ALMS1: variants seen among roughly 807,000 people sequenced by gnomAD.
ALMS1 encodes centrosome-associated protein ALMS1.
In ALMS1, 271 loss-of-function variants were observed where a neutral mutation model predicts 352.2. That is an observed-to-expected ratio of 0.77 (90% CI 0.70 to 0.85). The LOEUF is 0.85. Ranked by LOEUF, ALMS1 falls within the 40% of genes least tolerant of loss-of-function variation. ALMS1 has a pLI of 0.00. For missense variants in ALMS1, 5,445 were observed against 4,870.7 expected, an observed-to-expected ratio of 1.12 and a Z score of -3.51; for synonymous variants, 1,865 against 1,761.2, an observed-to-expected ratio of 1.06 and a Z score of -1.48.
At chr2:73,492,000 A>G (rs1289904699) in intron 10 of ALMS1, among the ~76,000 whole-genome samples, 2 of 152,196 alleles carry the variant, frequency 1.3e-5, no homozygotes, top group Non-Finnish European at 2.9e-5. Context: ...AGTTTAGTCA[A>G]ATGATGAAGA....
intron 1 of ALMS1, 96 bp downstream of exon 1, chr2:73,386,288 C>T: frequency 7.1e-7 from 1 of 1,403,710 alleles, no homozygotes; most frequent in Non-Finnish European, 9.3e-7. Context: ...CGCCGCCTGA[C>T]GGAGAAAACG....
intron 10 of ALMS1, among the ~76,000 whole-genome samples, chr2:73,517,938 G>T (rs1273601802): frequency 6.6e-6 from 1 of 152,012 alleles, no homozygotes; most frequent in African/African-American, 2.4e-5. Context: ...GATTACAGGC[G>T]TGAGCCACCA....
intron 12 of ALMS1, among the ~76,000 whole-genome samples, chr2:73,545,477 G>T (rs1038631894): frequency 6.6e-6 from 1 of 152,060 alleles, no homozygotes; most frequent in Non-Finnish European, 1.5e-5. Flanking sequence ...CACCGCACGT[G>T]GTCATGGTTA....
rs533780922 is a variant in ALMS1 at position 73,454,081 on chromosome 2, T to G, written c.7540+14T>G. On this transcript the variant is annotated intron_variant, in intron 8 of 22. Coordinates refer to ENST00000613296, the MANE Select transcript of ALMS1 (RefSeq NM_001378454.1). ...TACGAGCACATGGTAAGAAGAAAGT[T>G]TCAGGCTTATAAACGTTATAGTTTA... The G allele has an allele frequency of 2.5e-6, 4 of 1,597,992 alleles. No individual in the cohort carries two copies. In the South Asian group the frequency reaches 4.5e-5, roughly 18 times the overall value.
chr2:73,444,910 TATCAATA>T (rs1309480886), intron 7 of ALMS1, among the ~76,000 whole-genome samples: 1 of 152,208 alleles, frequency 6.6e-6, no homozygotes, highest in East Asian at 1.9e-4. Context: ...ATTATTTAGT[TATCAATA>T]ATTAATAATT....
chr2:73,495,721 G>A (rs1673091072), intron 10 of ALMS1, among the ~76,000 whole-genome samples: 1 of 152,098 alleles, frequency 6.6e-6, no homozygotes, highest in African/African-American at 2.4e-5. Context: ...TTTAACGTGT[G>A]TGTGTGTTTT....
chr2:73,443,694 T>C (rs1031800265), intron 7 of ALMS1, among the ~76,000 whole-genome samples: 2 of 152,172 alleles, frequency 1.3e-5, no homozygotes, highest in East Asian at 1.9e-4. Context: ...TCAATAAATA[T>C]CTGTTGAATG....
intron 9 of ALMS1, among the ~76,000 whole-genome samples, chr2:73,477,950 C>A (rs959460031): frequency 2.7e-4 from 41 of 152,056 alleles, no homozygotes; most frequent in African/African-American, 9.9e-4. Context: ...ATCTAGATGT[C>A]TTTAATTTCT....
At position 73,450,354 on chromosome 2, in the gene ALMS1, C is replaced by G. The variant is rs1671905855; in HGVS notation, c.3827C>G (p.Thr1276Ser). The G allele has an allele frequency of 1.2e-6, 2 of 1,613,174 alleles. No homozygotes were observed. Among genetic ancestry groups the G allele is most frequent in the Admixed American group, 1.7e-5 (1 of 59,916 alleles). ...GCCTCTGAACCAGTTGACCAGACAA[C>G]TGGCACACCAGCTGTAACCTCTACT... ...SVASEPVDQT[T>S]GTPAVTSTSY... Residue 1276 changes from threonine (T) to serine (S), a missense_variant, in exon 8 of 23, where the codon ACT becomes AGT. By Grantham distance (58) the Thr-to-Ser change is moderately conservative. Coordinates refer to ENST00000613296, the MANE Select transcript of ALMS1 (RefSeq NM_001378454.1).
chr2:73,524,859 T>G (rs1673756816), intron 11 of ALMS1, among the ~76,000 whole-genome samples: 1 of 152,202 alleles, frequency 6.6e-6, no homozygotes, highest in Non-Finnish European at 1.5e-5. Context: ...TTATACCCAT[T>G]AACAATCCTC....
intron 12 of ALMS1, among the ~76,000 whole-genome samples, chr2:73,544,061 G>A (rs1004907390): frequency 1.3e-5 from 2 of 152,140 alleles, no homozygotes; most frequent in Non-Finnish European, 2.9e-5. Flanking sequence ...AAAGACACAT[G>A]CACAGGTATG....
chr2:73,564,098 T>TA (rs772690471), intron 15 of ALMS1, among the ~76,000 whole-genome samples: 11,194 of 147,706 alleles, frequency 0.076, 514 homozygotes, highest in Middle Eastern at 0.15. Context: ...GGGTTAAACT[T>TA]AAAAAAAAAA....
chr2:73,568,866 A>G (rs1674857444), intron 15 of ALMS1, among the ~76,000 whole-genome samples: 2 of 152,220 alleles, frequency 1.3e-5, no homozygotes, highest in South Asian at 4.1e-4. Context: ...AGAAGTAAAT[A>G]ACTACTTCAA....
intron 7 of ALMS1, among the ~76,000 whole-genome samples, chr2:73,438,655 A>G (rs1671653983): frequency 6.6e-6 from 1 of 152,222 alleles, no homozygotes; most frequent in Non-Finnish European, 1.5e-5. Flanking sequence ...AGCTTTCTGA[A>G]GGAGCATGGG....
At chr2:73,546,090 T>C (rs1674314046) in intron 12 of ALMS1, among the ~76,000 whole-genome samples, 1 of 152,172 alleles carries the variant, frequency 6.6e-6, no homozygotes, top group African/African-American at 2.4e-5. Context: ...ACGATGTCAA[T>C]TTCAACATAT....
rs1024979628 is a variant in ALMS1 at position 73,478,703 on chromosome 2, G to A, written c.7675-10931G>A. Among the ~76,000 whole-genome samples, 8 of 151,434 alleles carry A rather than the reference G, an allele frequency of 5.3e-5. No individual in the cohort carries two copies. In the South Asian group the frequency reaches 1.5e-3, roughly 28 times the overall value. On this transcript the variant is annotated intron_variant, in intron 9 of 22. Coordinates refer to ENST00000613296, the MANE Select transcript of ALMS1 (RefSeq NM_001378454.1). Reference sequence around the variant, plus strand: ...TTATTTATTTTACTTTAAGTTCCAGGATACATATGCAGAACGTGCAGGTTT... The same window carrying A: ...TTATTTATTTTACTTTAAGTTCCAGAATACATATGCAGAACGTGCAGGTTT...
chr2:73,499,765 C>G (rs1002479154), intron 10 of ALMS1, among the ~76,000 whole-genome samples: 2 of 152,114 alleles, frequency 1.3e-5, no homozygotes, highest in African/African-American at 4.8e-5. Context: ...GTTATGGGGG[C>G]AGATCCCTCA....
intron 9 of ALMS1, among the ~76,000 whole-genome samples, chr2:73,488,927 G>C (rs760986010): frequency 6.6e-6 from 1 of 152,108 alleles, no homozygotes; most frequent in Non-Finnish European, 1.5e-5. Context: ...TTAGGATGTA[G>C]GTCAAGCTTC....
At chr2:73,581,398 G>A (rs1573037482) in intron 16 of ALMS1, among the ~76,000 whole-genome samples, 1 of 152,172 alleles carries the variant, frequency 6.6e-6, no homozygotes, top group Non-Finnish European at 1.5e-5. Flanking sequence ...GTACTACTCC[G>A]TGCTGTCTTT....
Sources: allele counts gnomAD v4.1 joint callset (sites outside exome capture counted in the v4.1 genomes callset), GRCh38; gene constraint gnomAD v4.1.1; transcripts MANE v1.5; gene names NCBI Gene and HGNC (gene_info 2026-07-23, HGNC 2026-07-21).